Variants in COL24A1 observed in about 807,000 individuals in gnomAD.
COL24A1 encodes collagen alpha-1(XXIV) chain.
COL24A1 carries 224 observed loss-of-function variants against 253.9 expected under a neutral mutation model. The observed-to-expected ratio is 0.88, with a 90% CI of 0.79 to 0.99. The LOEUF (loss-of-function observed/expected upper bound fraction) is 0.99. Ranked by LOEUF, COL24A1 falls within the 50% of genes least tolerant of loss-of-function variation. The probability of loss-of-function intolerance (pLI) is 0.00; values close to 1 mark genes in which losing one functional copy is unlikely to be tolerated. For synonymous variants in COL24A1, 685 were observed against 673.7 expected, an observed-to-expected ratio of 1.02 and a Z score of -0.26; for missense variants, 2,131 against 2,068.5, an observed-to-expected ratio of 1.03 and a Z score of -0.59.
chr1:86,130,168 A>G (rs1312616722), intron 2 of COL24A1, among the ~76,000 whole-genome samples: 11 of 151,978 alleles, frequency 7.2e-5, no homozygotes, highest in African/African-American at 2.4e-5. Context: ...TGGTAGTAAG[A>G]CTAAGCTTCC....
intron 2 of COL24A1, among the ~76,000 whole-genome samples, chr1:86,137,107 T>C (rs1338818962): frequency 1.3e-5 from 2 of 152,094 alleles, no homozygotes; most frequent in Admixed American, 6.6e-5. Flanking sequence ...AATTAGGGGT[T>C]GAATTTAGAT....
intron 24 of COL24A1, among the ~76,000 whole-genome samples, chr1:85,921,017 A>G (rs1686403587): frequency 6.6e-6 from 1 of 152,122 alleles, no homozygotes; most frequent in African/African-American, 2.4e-5. Flanking sequence ...AACAGCTCTG[A>G]TCTGCAGCTC....
intron 45 of COL24A1, among the ~76,000 whole-genome samples, chr1:85,820,549 T>G (rs1048176272): frequency 6.6e-6 from 1 of 152,184 alleles, no homozygotes; most frequent in African/African-American, 2.4e-5. Context: ...AGTGATGATG[T>G]GCATTTCAGG....
At chr1:86,035,608 G>A (rs1156590697) in intron 12 of COL24A1, among the ~76,000 whole-genome samples, 1 of 152,062 alleles carries the variant, frequency 6.6e-6, no homozygotes, top group Non-Finnish European at 1.5e-5. Context: ...ATGAGTACAG[G>A]ATTTCTTTTG....
At chr1:85,956,444 T>C (rs1690475621) in intron 24 of COL24A1, among the ~76,000 whole-genome samples, 1 of 152,204 alleles carries the variant, frequency 6.6e-6, no homozygotes, top group African/African-American at 2.4e-5. Flanking sequence ...CGGTCATTTA[T>C]TATACATTAG....
At chr1:85,764,205 T>A (rs752811915) in intron 53 of COL24A1, among the ~76,000 whole-genome samples, 3 of 152,090 alleles carry the variant, frequency 2.0e-5, no homozygotes, top group Non-Finnish European at 2.9e-5. Flanking sequence ...ACCCACTAGA[T>A]GCCACTGACA....
intron 5 of COL24A1, among the ~76,000 whole-genome samples, chr1:86,108,231 A>G (rs1705186635): frequency 6.6e-6 from 1 of 152,200 alleles, no homozygotes. Flanking sequence ...ATAATTTGAT[A>G]CGTTCTTATA....
At chr1:85,780,268 C>T (rs1420610305) in intron 52 of COL24A1, among the ~76,000 whole-genome samples, 1 of 152,092 alleles carries the variant, frequency 6.6e-6, no homozygotes, top group South Asian at 2.1e-4. Context: ...TTGAAGCATT[C>T]TATTTTTATA....
intron 38 of COL24A1, among the ~76,000 whole-genome samples, chr1:85,848,026 T>A (rs1205423296): frequency 6.6e-6 from 1 of 152,070 alleles, no homozygotes; most frequent in East Asian, 1.9e-4. Flanking sequence ...AAATAACCGT[T>A]TTTTACTTTT....
intron 6 of COL24A1, among the ~76,000 whole-genome samples, chr1:86,091,639 T>A (rs1368775060): frequency 6.6e-6 from 1 of 152,156 alleles, no homozygotes; most frequent in South Asian, 2.1e-4. Flanking sequence ...GTTTTTGTAG[T>A]TATCTTTGCT....
chr1:86,022,073 A>G (rs1264933398), intron 18 of COL24A1, among the ~76,000 whole-genome samples, 167 bp downstream of exon 18: 1 of 152,208 alleles, frequency 6.6e-6, no homozygotes, highest in African/African-American at 2.4e-5. Flanking sequence ...GGGAAGTCCA[A>G]AAGTCTATGG....
At chr1:85,932,682 C>T (rs1363283510) in intron 24 of COL24A1, among the ~76,000 whole-genome samples, 1 of 99,194 alleles carries the variant, frequency 1.0e-5, no homozygotes, top group African/African-American at 4.2e-5. Context: ...GACTTGGAAC[C>T]AACCCAAATG....
intron 24 of COL24A1, among the ~76,000 whole-genome samples, chr1:85,954,770 A>G (rs565103014): frequency 6.6e-6 from 1 of 152,302 alleles, no homozygotes; most frequent in East Asian, 1.9e-4. Context: ...TTGCTGTTTT[A>G]TAGATACGAG....
At chr1:85,832,358 C>T (rs140552785) in intron 43 of COL24A1, among the ~76,000 whole-genome samples, 9,355 of 151,952 alleles carry the variant, frequency 0.062, 975 homozygotes, top group African/African-American at 0.21. Context: ...AGTCAGGTAG[C>T]GTGATGCCTC....
intron 7 of COL24A1, among the ~76,000 whole-genome samples, chr1:86,083,214 C>T (rs2101918206): frequency 6.6e-6 from 1 of 151,920 alleles, no homozygotes; most frequent in East Asian, 1.9e-4. Flanking sequence ...AGGAAAATGG[C>T]GTGAACTCAG....
rs58899486 is a variant in COL24A1 at position 85,884,145 on chromosome 1, C to A, written c.2976+5415G>T. On this transcript the variant is annotated intron_variant, in intron 32 of 59. Coordinates refer to ENST00000370571, the MANE Select transcript of COL24A1 (RefSeq NM_152890.7). ...TGAGAAAGACTTTATTTCTCTTTCA[C>A]TTTGAAATTCCCAGTTTCATAATTC... Among the ~76,000 whole-genome samples the A allele has an allele frequency of 7.1e-3, 1,086 of 152,126 alleles. 8 individuals carry two copies. Among genetic ancestry groups the A allele is most frequent in the African/African-American group, 0.024 (977 of 41,494 alleles).
chr1:85,848,430 C>T (rs1677382017), intron 38 of COL24A1, among the ~76,000 whole-genome samples: 1 of 152,182 alleles, frequency 6.6e-6, no homozygotes, highest in African/African-American at 2.4e-5. Context: ...CTGCCTCAGC[C>T]TCCCAAGTAG....
intron 56 of COL24A1, 50 bp downstream of exon 56, chr1:85,745,391 A>G (rs755051153): frequency 1.5e-6 from 2 of 1,356,708 alleles, no homozygotes; most frequent in Non-Finnish European, 2.0e-6. Flanking sequence ...TCTCTGTTTA[A>G]TTGGTATATT....
intron 47 of COL24A1, among the ~76,000 whole-genome samples, chr1:85,799,211 A>AAAAGAAAGAAAG (rs139787428): frequency 3.7e-3 from 508 of 137,626 alleles, no homozygotes; most frequent in African/African-American, 9.4e-3. Flanking sequence ...TTGGCCACAT[A>AAAAGAAAGAAAG]AAAGAAAGAA....
Sources: gnomAD v4.1 joint callset for allele counts (sites outside exome capture counted in the v4.1 genomes callset) on GRCh38, gnomAD v4.1.1 for gene constraint, MANE v1.5 for transcripts, NCBI Gene and HGNC (gene_info 2026-07-23, HGNC 2026-07-21) for gene names.